Variants in NKAIN3 observed in about 807,000 individuals in gnomAD.
NKAIN3 encodes sodium/potassium transporting ATPase interacting 3, also known as sodium/potassium-transporting ATPase subunit beta-1-interacting protein 3.
NKAIN3 carries 25 observed loss-of-function variants against 30.2 expected under a neutral mutation model. That is an observed-to-expected ratio of 0.83 (90% confidence interval 0.60 to 1.16). NKAIN3 has a LOEUF of 1.16. Among genes scored for constraint, NKAIN3 ranks in the 50% most tolerant of loss-of-function variants. The probability of loss-of-function intolerance (pLI) is 0.00; values close to 1 mark genes in which losing one functional copy is unlikely to be tolerated. For missense variants in NKAIN3, 225 were observed against 254.1 expected (o/e 0.89, Z 0.78); for synonymous variants, 91 against 89.6 (o/e 1.02, Z -0.09).
chr8:62,254,281 G>T lies in NKAIN3; in HGVS notation c.54+5154G>T, dbSNP rs1348437755. Among the ~76,000 whole-genome samples the T allele has an allele frequency of 4.6e-5, 7 of 151,696 alleles. No homozygotes were observed. In the South Asian group the frequency reaches 1.0e-3, roughly 23 times the overall value. On this transcript the variant is annotated intron_variant, in intron 1 of 6. Transcript: ENST00000623646. ...TTCTGAGACTTGAGGCCAAGTAGCT[G>T]TCAGGTACATGAGTGTGGAACCTAG...
intron 1 of NKAIN3, among the ~76,000 whole-genome samples, chr8:62,352,262 C>T (rs992630238): frequency 5.9e-5 from 9 of 152,164 alleles, no homozygotes; most frequent in African/African-American, 2.2e-4. Flanking sequence ...TCAGGCTTAG[C>T]CCTCCTCGCC....
At chr8:62,666,262 C>T (rs570242356) in intron 3 of NKAIN3, among the ~76,000 whole-genome samples, 1 of 152,218 alleles carries the variant, frequency 6.6e-6, no homozygotes, top group South Asian at 2.1e-4. Context: ...AACTCCTGTG[C>T]TTGTATAAGT....
chr8:62,391,587 T>G lies in NKAIN3; in HGVS notation c.54+142460T>G, dbSNP rs1440996923. ...AAAGATACATAGAAATGGAATAAAA[T>G]AGGAAAATTGTGAGATTCTCTGGAT... On this transcript the variant is annotated intron_variant, in intron 1 of 6. Transcript: ENST00000623646. Among the ~76,000 whole-genome samples the G allele has an allele frequency of 2.0e-5, 3 of 152,024 alleles. No homozygotes were observed. In the South Asian group the frequency reaches 6.2e-4, roughly 32 times the overall value.
At chr8:62,932,582 T>C (rs1053930616) in intron 5 of NKAIN3, among the ~76,000 whole-genome samples, 5 of 152,220 alleles carry the variant, frequency 3.3e-5, no homozygotes, top group African/African-American at 1.2e-4. Context: ...TAGGAATGTT[T>C]GTGGAAAATC....
chr8:62,345,992 C>T (rs917067096), intron 1 of NKAIN3, among the ~76,000 whole-genome samples: 1 of 152,000 alleles, frequency 6.6e-6, no homozygotes, highest in South Asian at 2.1e-4. Flanking sequence ...ATCATATAAC[C>T]TCACTCTTGT....
chr8:62,950,904 T>TTCTTCCATTTCCA (rs1823265930), intron 5 of NKAIN3, among the ~76,000 whole-genome samples: 2 of 151,818 alleles, frequency 1.3e-5, no homozygotes, highest in Admixed American at 1.3e-4. Flanking sequence ...TACCATAGTC[T>TTCTTCCATTTCCA]TATCAAGGTA....
intron 1 of NKAIN3, among the ~76,000 whole-genome samples, chr8:62,361,592 A>G (rs1816566288): frequency 6.6e-6 from 1 of 152,240 alleles, no homozygotes; most frequent in Non-Finnish European, 1.5e-5. Context: ...ATTGTTTTAG[A>G]AAGATGAGAC....
At chr8:62,768,114 C>T (rs1332962876) in intron 4 of NKAIN3, among the ~76,000 whole-genome samples, 3 of 152,086 alleles carry the variant, frequency 2.0e-5, no homozygotes, top group Non-Finnish European at 4.4e-5. Flanking sequence ...TCTGGGCAGG[C>T]GCATCCATCA....
At chr8:62,482,069 T>G (rs1434749023) in intron 1 of NKAIN3, 1 of 152,194 alleles carries the variant, frequency 6.6e-6, no homozygotes, top group African/African-American at 2.4e-5. Flanking sequence ...GATTCTCCCA[T>G]CTCCCTATCG....
intron 1 of NKAIN3, among the ~76,000 whole-genome samples, chr8:62,337,074 A>G (rs1815577761): frequency 6.6e-6 from 1 of 152,040 alleles, no homozygotes; most frequent in Non-Finnish European, 1.5e-5. Context: ...GTGTCTCTGC[A>G]TGGTTTCTCC....
At chr8:62,853,231 T>A (rs1465710068) in intron 4 of NKAIN3, among the ~76,000 whole-genome samples, 2 of 152,214 alleles carry the variant, frequency 1.3e-5, no homozygotes, top group African/African-American at 2.4e-5. Context: ...TCTCTTTTGA[T>A]CTTTGTTGGT....
In NKAIN3 at chr8:62,968,850, C is replaced by T. The variant is rs759675325; in HGVS notation, c.*3443C>T. On this transcript the variant is annotated 3_prime_UTR_variant, in exon 7 of 7. Transcript: ENST00000623646. ...GCTTACTTTTTCTTTATTTGAGCTTCTGGTCATGTTTCAAAGCCATCAAAA... is the reference window on the plus strand; with the variant it reads ...GCTTACTTTTTCTTTATTTGAGCTTTTGGTCATGTTTCAAAGCCATCAAAA... Among the ~76,000 whole-genome samples, 3 of 149,272 alleles carry T rather than the reference C, an allele frequency of 2.0e-5. No individual in the cohort carries two copies. The highest frequency in any genetic ancestry group is 4.5e-5 in the Non-Finnish European group (3 of 66,422).
intron 1 of NKAIN3, among the ~76,000 whole-genome samples, chr8:62,561,674 C>T (rs1322182456): frequency 6.6e-6 from 1 of 152,076 alleles, no homozygotes; most frequent in Non-Finnish European, 1.5e-5. Flanking sequence ...AAAATACTCA[C>T]TTCATAGAGT....
chr8:62,950,140 C>A (rs1823241559), intron 5 of NKAIN3, among the ~76,000 whole-genome samples: 1 of 152,088 alleles, frequency 6.6e-6, no homozygotes, highest in African/African-American at 2.4e-5. Flanking sequence ...AAGGTCTTTC[C>A]TAATGAGTTA....
intron 1 of NKAIN3, among the ~76,000 whole-genome samples, chr8:62,573,783 G>A (rs1309185516): frequency 1.3e-5 from 2 of 151,774 alleles, no homozygotes; most frequent in Non-Finnish European, 2.9e-5. Flanking sequence ...GACTTATGGG[G>A]TACATGTGAT....
At position 62,955,288 on chromosome 8, in the gene NKAIN3, A is replaced by T. The variant is rs28680269; in HGVS notation, c.603+1316A>T. Among the ~76,000 whole-genome samples the T allele has an allele frequency of 8.8e-3, 1,338 of 152,330 alleles. 23 individuals carry two copies. The highest frequency in any genetic ancestry group is 0.031 in the African/African-American group (1,293 of 41,572). On this transcript the variant is annotated intron_variant, in intron 6 of 6. Transcript: ENST00000623646. ...AATTTGGAAAGAACATTCACCCTATATAACACTCCAGAACCAAGCAGTCAC... is the reference window on the plus strand; with the variant it reads ...AATTTGGAAAGAACATTCACCCTATTTAACACTCCAGAACCAAGCAGTCAC...
At chr8:62,692,647 T>C (rs1029139316) in intron 3 of NKAIN3, among the ~76,000 whole-genome samples, 1 of 152,198 alleles carries the variant, frequency 6.6e-6, no homozygotes, top group Non-Finnish European at 1.5e-5. Context: ...TGATAACTAC[T>C]CTTTCTTTGT....
Position 62,853,563 on chromosome 8 carries a change from C to A in NKAIN3, c.472-64890C>A, listed in dbSNP as rs546138310. ...GGGTCAGTGGTAATGTTCCCCTTAT[C>A]ATTTCTAATTGTGTTTATTTGAATC... On this transcript the variant is annotated intron_variant, in intron 4 of 6. Coordinates refer to ENST00000623646, the MANE Select transcript of NKAIN3 (RefSeq NM_001304533.3). 1.2e-4 allele frequency among the ~76,000 whole-genome samples: 18 copies of A among 152,234 alleles called. No homozygotes were observed. The South Asian group carries it at 2.5e-3, about 21-fold the overall frequency.
At chr8:62,891,034 G>A (rs1374392171) in intron 4 of NKAIN3, among the ~76,000 whole-genome samples, 1 of 152,184 alleles carries the variant, frequency 6.6e-6, no homozygotes, top group Non-Finnish European at 1.5e-5. Context: ...CCAATGGGCA[G>A]AGGCAAGTAT....
Sources: gnomAD v4.1 joint callset for allele counts (sites outside exome capture counted in the v4.1 genomes callset) on GRCh38, gnomAD v4.1.1 for gene constraint, MANE v1.5 for transcripts, NCBI Gene and HGNC (gene_info 2026-07-23, HGNC 2026-07-21) for gene names.